Variants in CNEP1R1 observed in about 807,000 individuals in gnomAD.
CNEP1R1 encodes the protein nuclear envelope phosphatase-regulatory subunit 1.
In CNEP1R1, 10 loss-of-function variants were observed where a neutral mutation model predicts 22.7. That is an observed-to-expected ratio of 0.44 (90% CI 0.27 to 0.75). The LOEUF (loss-of-function observed/expected upper bound fraction) is 0.75. CNEP1R1 is among the 30% of genes least tolerant of loss of function. The pLI is 0.17. For synonymous variants in CNEP1R1, 53 were observed against 50.1 expected, an observed-to-expected ratio of 1.06 and a Z score of -0.25; for missense variants, 73 against 151.5, an observed-to-expected ratio of 0.48 and a Z score of 2.72.
At chr16:50,028,916 T>A (rs1286875339) in intron 2 of CNEP1R1, among the ~76,000 whole-genome samples, 1 of 152,180 alleles carries the variant, frequency 6.6e-6, no homozygotes, top group Non-Finnish European at 1.5e-5. Context: ...ATCAAGGAAT[T>A]CTAGATAATT....
At position 50,025,230 on chromosome 16, in the gene CNEP1R1, T is replaced by G. The variant is rs1045552311; in HGVS notation, c.-86T>G. ...AGGGGCAGCGGGGAGCGGTTAGAGG[T>G]GGGAGTTGGCGCTGCGGGCCGGGCG... On this transcript the variant is annotated 5_prime_UTR_variant, in exon 1 of 6. Coordinates refer to ENST00000427478, the MANE Select transcript of CNEP1R1 (RefSeq NM_001281789.2). The G allele has an allele frequency of 1.6e-6, 2 of 1,281,082 alleles. No individual in the cohort carries two copies. The highest frequency in any genetic ancestry group is 3.0e-5 in the East Asian group (1 of 33,488). The allele number at this position is 1,281,082 out of a possible 1,614,324, so 79.4% of individuals were successfully genotyped here.
chr16:50,032,862 G>A (rs570123870), intron 3 of CNEP1R1, among the ~76,000 whole-genome samples: 87 of 152,170 alleles, frequency 5.7e-4, no homozygotes, highest in Non-Finnish European at 1.1e-3. Context: ...AAAATTAGCC[G>A]GGTGTGGTGG....
At chr16:50,025,926 C>T in intron 1 of CNEP1R1, 1 of 546,988 alleles carries the variant, frequency 1.8e-6, no homozygotes, top group Non-Finnish European at 3.2e-6. Flanking sequence ...ACGGCGTAGC[C>T]ATTAATTAAA....
intron 3 of CNEP1R1, among the ~76,000 whole-genome samples, chr16:50,030,650 G>A (rs72796105): frequency 3.3e-5 from 5 of 152,292 alleles, no homozygotes; most frequent in Admixed American, 6.5e-5. Context: ...GCTCACTGAT[G>A]TATAGGCCAT....
intron 3 of CNEP1R1, among the ~76,000 whole-genome samples, chr16:50,032,586 G>C (rs774394428): frequency 6.6e-6 from 1 of 152,236 alleles, no homozygotes; most frequent in Admixed American, 6.5e-5. Context: ...GTAAGAGTTA[G>C]CCAGGTGGAG....
Position 50,036,176 on chromosome 16 carries a change from G to A in CNEP1R1, c.*718G>A, listed in dbSNP as rs1338263104. Reference sequence around the variant, plus strand: ...TTTTTTTTAGACGGAGTCTCGCTCTGTTGCCAGGCTGGAGGGCAGTGGCAC... The same window carrying A: ...TTTTTTTTAGACGGAGTCTCGCTCTATTGCCAGGCTGGAGGGCAGTGGCAC... On this transcript the variant is annotated 3_prime_UTR_variant, in exon 6 of 6. Coordinates refer to ENST00000427478, the MANE Select transcript of CNEP1R1 (RefSeq NM_001281789.2). 2 of 125,158 alleles carry A rather than the reference G, an allele frequency of 1.6e-5. No homozygotes were observed. The highest frequency in any genetic ancestry group is 3.1e-5 in the African/African-American group (1 of 32,710). The allele number at this position is 125,158 out of a possible 1,614,324, so 7.8% of individuals were successfully genotyped here.
chr16:50,026,823 A>T, intron 2 of CNEP1R1: 1 of 185,174 alleles, frequency 5.4e-6, no homozygotes, highest in South Asian at 1.0e-4. Context: ...AAAAATACGA[A>T]ATTAGCCGGT....
intron 3 of CNEP1R1, among the ~76,000 whole-genome samples, 167 bp downstream of exon 3, chr16:50,029,965 G>C (rs1346476729): frequency 6.6e-6 from 1 of 152,120 alleles, no homozygotes; most frequent in Non-Finnish European, 1.5e-5. Flanking sequence ...ATTTTGGCTG[G>C]CTATTGTGAA....
intron 3 of CNEP1R1, among the ~76,000 whole-genome samples, chr16:50,030,651 T>G (rs930494260): frequency 7.9e-5 from 12 of 152,234 alleles, no homozygotes; most frequent in African/African-American, 2.9e-4. Flanking sequence ...CTCACTGATG[T>G]ATAGGCCATG....
intron 3 of CNEP1R1, among the ~76,000 whole-genome samples, chr16:50,032,910 C>G (rs781743460): frequency 2.6e-5 from 4 of 151,532 alleles, no homozygotes; most frequent in Non-Finnish European, 4.4e-5. Context: ...GAGGGTGAGG[C>G]AGGAGAATTG....
intron 2 of CNEP1R1, among the ~76,000 whole-genome samples, chr16:50,028,589 G>A (rs1163424864): frequency 2.0e-5 from 3 of 152,240 alleles, no homozygotes; most frequent in East Asian, 1.9e-4. Flanking sequence ...CTTTTAAAAT[G>A]TATATGATAC....
At chr16:50,026,777 C>T (rs1220625539) in intron 2 of CNEP1R1, 2 of 259,908 alleles carry the variant, frequency 7.7e-6, no homozygotes, top group African/African-American at 4.4e-5. Flanking sequence ...AAGTTCAAGA[C>T]TAGCGTGGCC....
Position 50,025,250 on chromosome 16 carries a change from C to T in CNEP1R1, c.-66C>T, listed in dbSNP as rs1233121802. On this transcript the variant is annotated 5_prime_UTR_variant, in exon 1 of 6. Transcript: ENST00000427478. Reference sequence around the variant, plus strand: ...AGAGGTGGGAGTTGGCGCTGCGGGCCGGGCGGGGGCCGCGGAAGCTGCGAT... The same window carrying T: ...AGAGGTGGGAGTTGGCGCTGCGGGCTGGGCGGGGGCCGCGGAAGCTGCGAT... The T allele has an allele frequency of 9.5e-6, 13 of 1,375,000 alleles. No individual in the cohort carries two copies. In the East Asian group the frequency reaches 2.9e-4, roughly 31 times the overall value. 85.2% of individuals were successfully genotyped at this position (1,375,000 alleles called of 1,614,324 possible). A position where few individuals can be genotyped will look rare whatever the true frequency, so the allele number is the denominator to read the frequency against.
At chr16:50,034,726 A>C (rs1256355674) in intron 5 of CNEP1R1, 1 of 154,150 alleles carries the variant, frequency 6.5e-6, no homozygotes, top group South Asian at 2.0e-4. Context: ...CATTAGCAAG[A>C]CCCCATCTCT....
chr16:50,034,267 A>G, intron 5 of CNEP1R1, 111 bp downstream of exon 5: 1 of 694,528 alleles, frequency 1.4e-6, no homozygotes. Flanking sequence ...TGGAATGAAT[A>G]GTGAGAATAT....
chr16:50,029,658 C>G, intron 2 of CNEP1R1, 67 bp from the exon 3 acceptor site: 3 of 899,728 alleles, frequency 3.3e-6, no homozygotes, highest in South Asian at 1.4e-5. Flanking sequence ...TTAGTAGGAA[C>G]TGGTGGTGAT....
At chr16:50,030,223 A>G (rs949368546) in intron 3 of CNEP1R1, among the ~76,000 whole-genome samples, 2 of 152,164 alleles carry the variant, frequency 1.3e-5, no homozygotes, top group East Asian at 1.9e-4. Flanking sequence ...TGGGAGGCCA[A>G]GGGAGGAGTT....
chr16:50,028,965 T>C (rs549601167), intron 2 of CNEP1R1, among the ~76,000 whole-genome samples: 180 of 152,292 alleles, frequency 1.2e-3, no homozygotes, highest in African/African-American at 3.9e-3. Context: ...ATATTTCTGT[T>C]GTTCTTGGAA....
At chr16:50,027,265 T>G (rs1367613536) in intron 2 of CNEP1R1, among the ~76,000 whole-genome samples, 1 of 151,904 alleles carries the variant, frequency 6.6e-6, no homozygotes, top group East Asian at 1.9e-4. Context: ...ATCCCAACAC[T>G]TTGGTAGGCC....
Sources: gnomAD v4.1 joint callset for allele counts (sites outside exome capture counted in the v4.1 genomes callset) on GRCh38, gnomAD v4.1.1 for gene constraint, MANE v1.5 for transcripts, NCBI Gene and HGNC (gene_info 2026-07-23, HGNC 2026-07-21) for gene names.